The following CAST variants were observed in gnomAD, a reference collection of about 807,000 sequenced individuals.
The protein encoded by CAST is MIR583 host.
A neutral mutation model predicts 119.6 loss-of-function variants in CAST; 76 were observed. The ratio of observed to expected loss-of-function variants is 0.64; its 90% CI spans 0.53 to 0.77. The LOEUF (loss-of-function observed/expected upper bound fraction) is 0.77. Ranked by LOEUF, CAST falls within the 30% of genes least tolerant of loss-of-function variation. The pLI is 0.00. For synonymous variants in CAST, 319 were observed against 331.6 expected (o/e 0.96, Z 0.41); for missense variants, 953 against 946.5 (o/e 1.01, Z -0.09).
intron 1 of CAST, among the ~76,000 whole-genome samples, chr5:96,614,736 C>CT (rs59874036): frequency 6.6e-6 from 1 of 151,776 alleles, no homozygotes; most frequent in Non-Finnish European, 1.5e-5. Context: ...TTCCTCAGTG[C>CT]TTTTTTTCTT....
the CAST span, among the ~76,000 whole-genome samples, chr5:96,248,843 G>A: frequency 1.3e-5 from 2 of 152,152 alleles, no homozygotes; most frequent in African/African-American, 4.8e-5. Flanking sequence ...TCAATGTTTG[G>A]CTTCTTAATT....
chr5:96,600,629 G>A (rs912769651), intron 1 of CAST, among the ~76,000 whole-genome samples: 9 of 151,928 alleles, frequency 5.9e-5, no homozygotes, highest in Admixed American at 2.6e-4. Flanking sequence ...CCTCTTTTTC[G>A]GAAAAACCCA....
At chr5:96,548,429 G>T (rs1268143562) in intron 1 of CAST, among the ~76,000 whole-genome samples, 1 of 151,982 alleles carries the variant, frequency 6.6e-6, no homozygotes, top group Admixed American at 6.6e-5. Context: ...TGTTCTTAGG[G>T]GCACTGTGAT....
At chr5:95,985,527 G>A in the CAST span, among the ~76,000 whole-genome samples, 2 of 152,156 alleles carry the variant, frequency 1.3e-5, no homozygotes, top group South Asian at 2.1e-4. Flanking sequence ...AAAGAAGTGA[G>A]GAGTTGAGCT....
chr5:96,049,549 T>C, the CAST span, among the ~76,000 whole-genome samples: 2 of 151,938 alleles, frequency 1.3e-5, no homozygotes, highest in Non-Finnish European at 2.9e-5. Context: ...GGAGGCAGGG[T>C]GAGGGAGTTG....
chr5:96,244,545 G>A, the CAST span, among the ~76,000 whole-genome samples: 30 of 152,164 alleles, frequency 2.0e-4, no homozygotes, highest in African/African-American at 6.0e-4. Flanking sequence ...TATAGATACC[G>A]GACATTATTT....
rs539223552 is a variant in CAST at position 96,559,159 on chromosome 5, C to A, written c.60+29279C>A. ...AACGCCTTTGACAAAATTCAACAAC[C>A]CTTCATGCTAAAATCTCTCAATAAA... On this transcript the variant is annotated intron_variant, in intron 1 of 11. Coordinates refer to the CAST transcript ENST00000505143. Among the ~76,000 whole-genome samples, 68 of 151,864 alleles carry A rather than the reference C, an allele frequency of 4.5e-4. 1 individual carries two copies. In the East Asian group the frequency reaches 0.012, roughly 26 times the overall value.
chr5:96,546,741 A>G (rs1580818563), intron 1 of CAST, among the ~76,000 whole-genome samples: 1 of 152,160 alleles, frequency 6.6e-6, no homozygotes, highest in Non-Finnish European at 1.5e-5. Context: ...CCGGCATATA[A>G]TGCCTCCAAA....
At chr5:96,687,262 G>T (rs1752191861) in intron 2 of CAST, among the ~76,000 whole-genome samples, 1 of 152,180 alleles carries the variant, frequency 6.6e-6, no homozygotes, top group Middle Eastern at 3.2e-3. Context: ...CAGTATTCTT[G>T]CTATGAGTGG....
the CAST span, among the ~76,000 whole-genome samples, chr5:96,341,944 C>A: frequency 6.6e-6 from 1 of 152,138 alleles, no homozygotes; most frequent in Non-Finnish European, 1.5e-5. Flanking sequence ...CAAAAATTAC[C>A]TTTACCTTAG....
At chr5:96,152,058 G>A in the CAST span, among the ~76,000 whole-genome samples, 3 of 152,244 alleles carry the variant, frequency 2.0e-5, no homozygotes, top group East Asian at 5.8e-4. Context: ...GGAGGAAGGA[G>A]GGAGGGAGGG....
the CAST span, among the ~76,000 whole-genome samples, chr5:96,358,841 T>G: frequency 2.0e-5 from 3 of 152,218 alleles, no homozygotes; most frequent in African/African-American, 7.2e-5. Flanking sequence ...TAGATGTCTC[T>G]TAGGTCTACT....
chr5:96,350,926 G>A, the CAST span, among the ~76,000 whole-genome samples: 2 of 152,078 alleles, frequency 1.3e-5, no homozygotes, highest in Admixed American at 6.6e-5. Flanking sequence ...GACATTTTCA[G>A]ACCTTCATTA....
chr5:96,585,484 C>T (rs764564019), intron 1 of CAST, among the ~76,000 whole-genome samples: 4 of 152,172 alleles, frequency 2.6e-5, no homozygotes, highest in Non-Finnish European at 4.4e-5. Flanking sequence ...CCTCAGATCT[C>T]ATCTATACTA....
the CAST span, among the ~76,000 whole-genome samples, chr5:96,378,676 C>T: frequency 1.3e-5 from 2 of 151,968 alleles, no homozygotes; most frequent in African/African-American, 4.8e-5. Flanking sequence ...GAATAAAATT[C>T]ATATTTTTAA....
chr5:96,564,092 G>T (rs1052340446), intron 1 of CAST, among the ~76,000 whole-genome samples: 1 of 152,122 alleles, frequency 6.6e-6, no homozygotes, highest in Non-Finnish European at 1.5e-5. Context: ...AACCCTGACC[G>T]CTGCATAATG....
rs113288895 is a variant in CAST at position 96,631,272 on chromosome 5, A to G, written c.61-44267A>G. Reference sequence around the variant, plus strand: ...CAGCAATTAGTCCCAATTCACCTCTATTCCCATGCCCTGGCAACCACTAAT... The same window carrying G: ...CAGCAATTAGTCCCAATTCACCTCTGTTCCCATGCCCTGGCAACCACTAAT... On this transcript the variant is annotated intron_variant, in intron 1 of 11. Coordinates refer to the CAST transcript ENST00000505143. Among the ~76,000 whole-genome samples the G allele has an allele frequency of 1.5e-4, 21 of 141,068 alleles. 3 individuals are homozygous for G. Among genetic ancestry groups the G allele is most frequent in the African/African-American group, 5.3e-4 (21 of 39,882 alleles). The allele number at this position is 141,068 out of a possible 152,430, so 92.5% of individuals were successfully genotyped here.
chr5:96,549,260 G>T (rs1746080095), intron 1 of CAST, among the ~76,000 whole-genome samples: 1 of 152,198 alleles, frequency 6.6e-6, no homozygotes, highest in African/African-American at 2.4e-5. Flanking sequence ...TCAAAGGTAT[G>T]TTGGCATTTG....
chr5:96,585,614 A>T (rs1746846102), intron 1 of CAST, among the ~76,000 whole-genome samples: 1 of 152,204 alleles, frequency 6.6e-6, no homozygotes, highest in Admixed American at 6.5e-5. Flanking sequence ...AAACACATCT[A>T]TGATTAACTG....
Sources: allele counts gnomAD v4.1 joint callset (sites outside exome capture counted in the v4.1 genomes callset), GRCh38; gene constraint gnomAD v4.1.1; transcripts MANE v1.5; gene names NCBI Gene and HGNC (gene_info 2026-07-23, HGNC 2026-07-21).